The following MYO7A variants were observed in gnomAD, a reference collection of about 807,000 sequenced individuals.
The protein encoded by MYO7A is myosin VIIA.
In MYO7A, 210 loss-of-function variants were observed where a neutral mutation model predicts 263.8. The ratio of observed to expected loss-of-function variants is 0.80; its 90% confidence interval spans 0.71 to 0.89. The LOEUF is 0.89. Ranked by LOEUF, MYO7A falls within the 40% of genes least tolerant of loss-of-function variation. MYO7A has a pLI of 0.00. For synonymous variants in MYO7A, 1,239 were observed against 1,197.3 expected (o/e 1.03, Z -0.72); for missense variants, 2,820 against 2,968.3 (o/e 0.95, Z 1.16).
At chr11:77,153,461 G>A (rs185699769) in intron 4 of MYO7A, among the ~76,000 whole-genome samples, 1 of 152,282 alleles carries the variant, frequency 6.6e-6, no homozygotes, top group Admixed American at 6.5e-5. Context: ...TGTGGGCAGA[G>A]TGGAGAAGGC....
intron 25 of MYO7A, 118 bp downstream of exon 25, chr11:77,182,718 C>G (rs1955352717): frequency 9.3e-7 from 1 of 1,075,466 alleles, no homozygotes; most frequent in African/African-American, 1.6e-5. Context: ...CTCTGCCTCA[C>G]CGACCCCTGC....
Position 77,189,469 on chromosome 11 carries a change from A to C in MYO7A, c.3629A>C (p.Lys1210Thr), listed in dbSNP as rs1955874274. The C allele has an allele frequency of 6.2e-7, 1 of 1,613,602 alleles. No homozygotes were observed. The stretch of plus-strand genomic sequence containing the variant: ...TTCGCCCCCTCCGAGAAGTTTGTCA[A>C]GGTAGGAAGGTGCCTGGCCTCCTGG... ...GCFAPSEKFV[K>T]YLRNFIHGGP... The change falls in exon 28 of 49, where the codon AAG (lysine) becomes ACG (threonine). Residue 1210 changes from lysine (K) to threonine (T), a missense_variant and splice_region_variant. Transcript: ENST00000409709.
intron 14 of MYO7A, among the ~76,000 whole-genome samples, chr11:77,164,562 A>G (rs1270353101): frequency 6.6e-6 from 1 of 152,208 alleles, no homozygotes; most frequent in Non-Finnish European, 1.5e-5. Flanking sequence ...TTCCCTTACA[A>G]TATTGGACTG....
intron 31 of MYO7A, among the ~76,000 whole-genome samples, chr11:77,193,673 C>G (rs1956414969): frequency 6.6e-6 from 1 of 152,122 alleles, no homozygotes; most frequent in Non-Finnish European, 1.5e-5. Context: ...ATATTTCAAA[C>G]TGGTTGGAAA....
chr11:77,164,823 C>A (rs1953381758), intron 14 of MYO7A, among the ~76,000 whole-genome samples: 1 of 152,188 alleles, frequency 6.6e-6, no homozygotes, highest in Non-Finnish European at 1.5e-5. Flanking sequence ...ACATAAGGGT[C>A]ATCTACCTTA....
rs755508864 is a variant in MYO7A, at chr11:77,206,203, G to GT, written c.5742+2dup. 1 of 1,609,482 alleles carries GT rather than the reference G, an allele frequency of 6.2e-7. No homozygotes were observed. The highest frequency in any genetic ancestry group is 8.5e-7 in the Non-Finnish European group (1 of 1,177,250). ...CTACTTCCCTGATGACACTGACGAGGTGAGGGTCACCGGCTTCTAGGTCTG... is the reference window on the plus strand; with the variant it reads ...CTACTTCCCTGATGACACTGACGAGGTTGAGGGTCACCGGCTTCTAGGTCTG... On this transcript the variant is annotated splice_donor_variant, in intron 41 of 48. Transcript: ENST00000409709. LOFTEE classifies it high-confidence loss of function.
chr11:77,203,303 C>G (rs1223433919), intron 38 of MYO7A, 86 bp downstream of exon 38: 1 of 1,434,638 alleles, frequency 7.0e-7, no homozygotes, highest in Non-Finnish European at 9.4e-7. Context: ...TGAGGGCCTG[C>G]TGCGACCCGG....
chr11:77,155,284 A>G (rs553314550), intron 4 of MYO7A, among the ~76,000 whole-genome samples: 1 of 152,276 alleles, frequency 6.6e-6, no homozygotes, highest in African/African-American at 2.4e-5. Context: ...TCTGAGGTGC[A>G]CCTGGCCCCT....
intron 26 of MYO7A, 145 bp from the exon 27 acceptor site, chr11:77,184,443 G>C: frequency 1.4e-6 from 1 of 692,712 alleles, no homozygotes; most frequent in South Asian, 1.8e-5. Flanking sequence ...CGTGGCAGGG[G>C]TAATGACAGT....
intron 27 of MYO7A, among the ~76,000 whole-genome samples, chr11:77,185,900 A>G (rs1165963135): frequency 6.6e-6 from 1 of 152,038 alleles, no homozygotes; most frequent in African/African-American, 2.4e-5. Context: ...GCATGAAAAT[A>G]ACATTCGTCT....
intron 39 of MYO7A, 36 bp from the exon 40 acceptor site, chr11:77,205,426 A>T: frequency 6.5e-7 from 1 of 1,545,222 alleles, no homozygotes; most frequent in Non-Finnish European, 8.7e-7. Flanking sequence ...TCCCGATGGC[A>T]GCTGCCCCTG....
chr11:77,147,303 C>T (rs1317042270), intron 3 of MYO7A, among the ~76,000 whole-genome samples: 1 of 152,126 alleles, frequency 6.6e-6, no homozygotes, highest in East Asian at 1.9e-4. Context: ...GAGGGGCAGT[C>T]CCTGACCACC....
chr11:77,149,176 C>T (rs556486335), intron 4 of MYO7A, among the ~76,000 whole-genome samples: 75 of 152,192 alleles, frequency 4.9e-4, no homozygotes, highest in Non-Finnish European at 8.7e-4. Context: ...CCCATCCTCC[C>T]GCAGCCCAAG....
At chr11:77,184,883 T>C in intron 27 of MYO7A, 168 bp downstream of exon 27, 1 of 1,171,102 alleles carries the variant, frequency 8.5e-7, no homozygotes. Context: ...TTTCTAAGCC[T>C]CTGATTCCTT....
At chr11:77,214,387 C>A (rs1031308886) in intron 48 of MYO7A, among the ~76,000 whole-genome samples, 4 of 152,192 alleles carry the variant, frequency 2.6e-5, no homozygotes, top group African/African-American at 9.7e-5. Flanking sequence ...GACCCACAAG[C>A]TAGGGGCTTA....
chr11:77,190,581 T>C, intron 29 of MYO7A, 116 bp from the exon 30 acceptor site: 1 of 1,211,980 alleles, frequency 8.3e-7, no homozygotes, highest in Non-Finnish European at 1.1e-6. Flanking sequence ...AGTGAGGTAC[T>C]GGGGCCTGGG....
At chr11:77,176,240 C>T (rs1230046114) in intron 18 of MYO7A, among the ~76,000 whole-genome samples, 2 of 152,204 alleles carry the variant, frequency 1.3e-5, no homozygotes, top group African/African-American at 2.4e-5. Flanking sequence ...TAATTCCTCT[C>T]CAGCCAAGGG....
intron 3 of MYO7A, 103 bp downstream of exon 3, chr11:77,142,925 C>A: frequency 1.1e-6 from 1 of 931,296 alleles, no homozygotes; most frequent in Non-Finnish European, 1.7e-6. Context: ...GGAGGCCATG[C>A]CCATGCCCCC....
chr11:77,204,280 G>A (rs547367502), intron 39 of MYO7A, 51 bp downstream of exon 39: 24 of 1,545,412 alleles, frequency 1.6e-5, no homozygotes, highest in East Asian at 7.4e-5. Context: ...CTGCTGTGAC[G>A]GGCAGCTCTT....
Sources: gnomAD v4.1 joint callset for allele counts (sites outside exome capture counted in the v4.1 genomes callset) on GRCh38, gnomAD v4.1.1 for gene constraint, MANE v1.5 for transcripts, NCBI Gene and HGNC (gene_info 2026-07-23, HGNC 2026-07-21) for gene names.